Variants in SORCS2 observed in about 807,000 individuals in gnomAD.
SORCS2 encodes VPS10 domain-containing receptor SorCS2.
Under a neutral mutation model 141.6 loss-of-function variants are expected in SORCS2, and 100 were observed. The observed-to-expected ratio is 0.71, with a 90% CI of 0.60 to 0.83. The LOEUF is 0.83. Ranked by LOEUF, SORCS2 falls within the 40% of genes least tolerant of loss-of-function variation. The pLI, the probability that SORCS2 is intolerant of heterozygous loss-of-function variation, is 0.00. For missense variants in SORCS2, 1,646 were observed against 1,560.2 expected, an observed-to-expected ratio of 1.05 and a Z score of -0.93; for synonymous variants, 789 against 676.9, an observed-to-expected ratio of 1.17 and a Z score of -2.57.
At chr4:7,466,735 C>G (rs62277629) in intron 2 of SORCS2, among the ~76,000 whole-genome samples, 10,097 of 152,196 alleles carry the variant, frequency 0.066, 357 homozygotes, top group African/African-American at 0.095. Context: ...GTGTGGAAGA[C>G]GGCAAATCCA....
chr4:7,669,978 T>C (rs371199759), intron 8 of SORCS2, among the ~76,000 whole-genome samples: 1 of 152,242 alleles, frequency 6.6e-6, no homozygotes, highest in East Asian at 1.9e-4. Context: ...GTTGTTTCCA[T>C]TTTTTTATAA....
intron 18 of SORCS2, among the ~76,000 whole-genome samples, chr4:7,723,288 C>G (rs532316285): frequency 1.3e-5 from 2 of 152,286 alleles, no homozygotes; most frequent in South Asian, 4.1e-4. Context: ...AGATGTGTTC[C>G]TCTCCCCTGC....
intron 2 of SORCS2, among the ~76,000 whole-genome samples, chr4:7,417,437 C>T (rs375315491): frequency 9.2e-5 from 14 of 152,246 alleles, no homozygotes; most frequent in Middle Eastern, 3.4e-3. Context: ...TATTATGCTA[C>T]GGATGGTAGC....
At chr4:7,570,731 G>A (rs981729285) in intron 3 of SORCS2, among the ~76,000 whole-genome samples, 2 of 152,210 alleles carry the variant, frequency 1.3e-5, no homozygotes, top group African/African-American at 4.8e-5. Context: ...TGTCCTGTCA[G>A]CAAGCCTTTT....
Position 7,589,690 on chromosome 4 carries a change from C to T in SORCS2, c.649-48638C>T, listed in dbSNP as rs1382053969. 2.0e-5 allele frequency among the ~76,000 whole-genome samples: 3 copies of T among 152,198 alleles called. No homozygotes were observed. The East Asian group carries it at 5.8e-4, about 29-fold the overall frequency. On this transcript the variant is annotated intron_variant, in intron 3 of 26. Coordinates refer to ENST00000507866, the MANE Select transcript of SORCS2 (RefSeq NM_020777.3). ...TGCTGGGATTACAGGCGTGAGCCAC[C>T]GCACTTGGCCAGCTGAGTCCCGTTC...
intron 3 of SORCS2, among the ~76,000 whole-genome samples, chr4:7,591,891 T>G (rs1250353827): frequency 6.6e-6 from 1 of 152,152 alleles, no homozygotes; most frequent in Non-Finnish European, 1.5e-5. Context: ...TACGCTTTTC[T>G]GTGCTTGTGT....
intron 1 of SORCS2, among the ~76,000 whole-genome samples, chr4:7,368,920 T>C (rs537837827): frequency 6.6e-6 from 1 of 152,252 alleles, no homozygotes; most frequent in East Asian, 1.9e-4. Flanking sequence ...AAACTGGAGT[T>C]TCCCTTGCAC....
At chr4:7,296,894 C>A (rs996711053) in intron 1 of SORCS2, among the ~76,000 whole-genome samples, 24 of 152,202 alleles carry the variant, frequency 1.6e-4, no homozygotes, top group Admixed American at 7.9e-4. Context: ...GACTCCCCAG[C>A]CCCCTCTGGC....
intron 1 of SORCS2, among the ~76,000 whole-genome samples, chr4:7,328,215 T>G (rs1376084574): frequency 6.6e-6 from 1 of 150,450 alleles, no homozygotes; most frequent in Non-Finnish European, 1.5e-5. Context: ...TTTTCATTTT[T>G]AGTAGAGATG....
intron 1 of SORCS2, among the ~76,000 whole-genome samples, chr4:7,340,570 G>A (rs111953278): frequency 5.7e-4 from 87 of 152,324 alleles, no homozygotes; most frequent in African/African-American, 2.1e-3. Context: ...CTCCAGGCCC[G>A]TCCCTCACTG....
chr4:7,373,226 C>T (rs1463373133), intron 1 of SORCS2, among the ~76,000 whole-genome samples: 1 of 151,410 alleles, frequency 6.6e-6, no homozygotes, highest in East Asian at 1.9e-4. Context: ...CTGGTTGCTC[C>T]ACGTCCTCTT....
chr4:7,518,408 G>T (rs114436783), intron 2 of SORCS2, among the ~76,000 whole-genome samples: 2,113 of 152,212 alleles, frequency 0.014, 56 homozygotes, highest in African/African-American at 0.048. Context: ...ACTCCTGCTG[G>T]GAATTCCTAG....
chr4:7,599,021 C>A (rs1014550171), intron 3 of SORCS2, among the ~76,000 whole-genome samples: 1 of 152,194 alleles, frequency 6.6e-6, no homozygotes, highest in Non-Finnish European at 1.5e-5. Flanking sequence ...AGGAGGCAGC[C>A]GGGAGAAGTG....
At chr4:7,260,445 G>T (rs1423615764) in intron 1 of SORCS2, among the ~76,000 whole-genome samples, 1 of 152,326 alleles carries the variant, frequency 6.6e-6, no homozygotes, top group Non-Finnish European at 1.5e-5. Flanking sequence ...TGGATTGACT[G>T]ATGGGCTGGT....
At chr4:7,560,010 A>G (rs1714420422) in intron 3 of SORCS2, among the ~76,000 whole-genome samples, 1 of 152,134 alleles carries the variant, frequency 6.6e-6, no homozygotes, top group African/African-American at 2.4e-5. Context: ...GCCGGTGGCC[A>G]CCCGCTGAAT....
rs140213830 is a variant in SORCS2, at chr4:7,492,681, C to A, written c.549-38849C>A. On this transcript the variant is annotated intron_variant, in intron 2 of 26. Coordinates refer to ENST00000507866, the MANE Select transcript of SORCS2 (RefSeq NM_020777.3). Reference sequence around the variant, plus strand: ...AATTAATGAATGAGTCCTTCCCCAGCCCCTTGGAGACTGGCTGCTGACAAG... The same window carrying A: ...AATTAATGAATGAGTCCTTCCCCAGACCCTTGGAGACTGGCTGCTGACAAG... Among the ~76,000 whole-genome samples the A allele has an allele frequency of 2.2e-3, 329 of 152,340 alleles. 1 individual carries two copies. The highest frequency in any genetic ancestry group is 7.2e-3 in the African/African-American group (301 of 41,568).
At chr4:7,595,876 C>T (rs773189687) in intron 3 of SORCS2, among the ~76,000 whole-genome samples, 4 of 152,174 alleles carry the variant, frequency 2.6e-5, no homozygotes, top group East Asian at 1.9e-4. Flanking sequence ...TGGACAAGCC[C>T]GACGCGGACT....
chr4:7,440,306 G>T (rs1727577899), intron 2 of SORCS2, among the ~76,000 whole-genome samples: 1 of 152,198 alleles, frequency 6.6e-6, no homozygotes, highest in Non-Finnish European at 1.5e-5. Context: ...ATTGTTCTGG[G>T]GGGACAGAGT....
intron 1 of SORCS2, among the ~76,000 whole-genome samples, chr4:7,380,481 TCAA>T (rs1252740768): frequency 3.9e-5 from 5 of 128,816 alleles, no homozygotes; most frequent in South Asian, 2.4e-4. Flanking sequence ...GAATTCAAAT[TCAA>T]GAGAAACTGA....
Sources: allele counts gnomAD v4.1 joint callset (sites outside exome capture counted in the v4.1 genomes callset), GRCh38; gene constraint gnomAD v4.1.1; transcripts MANE v1.5; gene names NCBI Gene and HGNC (gene_info 2026-07-23, HGNC 2026-07-21).